AHNAK2: variants seen among roughly 807,000 people sequenced by gnomAD.
AHNAK2 encodes the protein AHNAK nucleoprotein 2, also known as protein AHNAK2.
Under a neutral mutation model 30.7 loss-of-function variants are expected in AHNAK2, and 18 were observed. The ratio of observed to expected loss-of-function variants is 0.59; its 90% CI spans 0.41 to 0.87. The LOEUF (loss-of-function observed/expected upper bound fraction) is 0.87. Among genes scored for constraint, AHNAK2 ranks in the 40% least tolerant of loss-of-function variants. The pLI, the probability that AHNAK2 is intolerant of heterozygous loss-of-function variation, is 0.00. For missense variants in AHNAK2, 8,604 were observed against 7,373.0 expected, an observed-to-expected ratio of 1.17 and a Z score of -6.11; for synonymous variants, 3,590 against 3,073.8, an observed-to-expected ratio of 1.17 and a Z score of -5.56.
rs778443688 is a variant in AHNAK2 at position 104,947,939 on chromosome 14, G to C, written c.7512C>G (p.Ala2504=). The C allele has an allele frequency of 1.5e-5, 24 of 1,611,888 alleles. No homozygotes were observed. The highest frequency in any genetic ancestry group is 2.2e-5 in the East Asian group (1 of 44,626). The part of the protein sequence containing the change: ...GVSAPGKSIE[A]SVDVSAPKVE... ...CCTTCGGCGCAGACACATCCACCGA[G>C]GCCTCGATGGACTTGCCTGGGGCAG... The change falls in exon 7 of 7, where the codon GCC becomes GCG. Residue 2504 remains alanine (A), a synonymous_variant. Coordinates refer to ENST00000333244, the MANE Select transcript of AHNAK2 (RefSeq NM_138420.4).
Position 104,944,409 on chromosome 14 carries a change from A to G in AHNAK2, c.11042T>C (p.Leu3681Pro), listed in dbSNP as rs1898148653. Residue 3681 changes from leucine to proline, a missense_variant, in exon 7 of 7, where the codon CTG becomes CCG. Transcript: ENST00000333244. ...DVSLPSMQGD[L>P]KTTDLSIQPP... ...CTGAATGCTGAGGTCAGTGGTCTTC[A>G]GGTCCCCCTGCATGGAGGGGAGACT... 6.2e-7 allele frequency: 1 copy of G among 1,612,260 alleles called. No individual in the cohort carries two copies. The highest frequency in any genetic ancestry group is 8.5e-7 in the Non-Finnish European group (1 of 1,179,370).
rs187143499 is a variant in AHNAK2, at chr14:104,955,153, A to C, written c.467-12T>G. 6.3e-7 allele frequency: 1 copy of C among 1,596,416 alleles called. No individual in the cohort carries two copies. The highest frequency in any genetic ancestry group is 2.2e-5 in the East Asian group (1 of 44,668). On this transcript the variant is annotated splice_polypyrimidine_tract_variant and intron_variant, in intron 5 of 6. Coordinates refer to ENST00000333244, the MANE Select transcript of AHNAK2 (RefSeq NM_138420.4). ...GAGCAGCTGATCCCCTAGACCAAGA[A>C]AGAGCAGCCCCAGGGCCGGGTGTGT... is the stretch of plus-strand genomic sequence containing the variant.
In AHNAK2 at chr14:104,961,330, C is replaced by A. The variant is rs181573982; in HGVS notation, c.56-3658G>T. ...GAGATCAAAACCATCCTGGCTAACA[C>A]AGTGAAACCCCGTCTCTACTAAAAA... is the stretch of plus-strand genomic sequence containing the variant. On this transcript the variant is annotated intron_variant, in intron 1 of 6. Transcript: ENST00000333244. 1.4e-3 allele frequency among the ~76,000 whole-genome samples: 214 copies of A among 151,864 alleles called. 4 individuals carry two copies. In the East Asian group the frequency reaches 0.034, roughly 24 times the overall value.
chr14:104,960,977 A>C (rs1032992929), intron 1 of AHNAK2, among the ~76,000 whole-genome samples: 1 of 151,888 alleles, frequency 6.6e-6, no homozygotes, highest in African/African-American at 2.4e-5. Flanking sequence ...CTAAAAATAC[A>C]AACATTAGCT....
At position 104,946,327 on chromosome 14, in the gene AHNAK2, C is replaced by G; in HGVS notation, c.9124G>C (p.Val3042Leu). The change falls in exon 7 of 7, where the codon GTG (valine) becomes CTG (leucine). Residue 3042 changes from valine (V) to leucine (L), a missense_variant. Physicochemically the swap from Val to Leu is conservative, Grantham distance 32. Transcript: ENST00000333244. The part of the protein sequence containing the change: ...SAQLEVQAGQ[V>L]DLKLPEGHVP... ...TGGCCCTCTGGGAGCTTCAGGTCCACCTGGCCAGCCTGGACCTCCAGTTGG... is the reference window on the plus strand; with the variant it reads ...TGGCCCTCTGGGAGCTTCAGGTCCAGCTGGCCAGCCTGGACCTCCAGTTGG... 6.2e-7 allele frequency: 1 copy of G among 1,612,160 alleles called. No individual in the cohort carries two copies. Among genetic ancestry groups the G allele is most frequent in the African/African-American group, 1.3e-5 (1 of 74,466 alleles).
In AHNAK2 at chr14:104,953,983, T is replaced by C. The variant is rs760330885; in HGVS notation, c.1468A>G (p.Lys490Glu). ...GTGGAAAATGCAAATTTTGGTGTCT[T>C]TAAATCGTGTACTCGCACCCTAATT... ...PEIRVRVHDL[K>E]TPKFAFSTEK... Residue 490 changes from lysine (K) to glutamate (E), a missense_variant, in exon 7 of 7, where the codon AAG becomes GAG. Transcript: ENST00000333244. 4 of 1,613,916 alleles carry C rather than the reference T, an allele frequency of 2.5e-6. No individual in the cohort carries two copies. The South Asian group carries it at 4.4e-5, about 18-fold the overall frequency.
chr14:104,946,600 G>T lies in AHNAK2; in HGVS notation c.8851C>A (p.Pro2951Thr). 1 of 1,612,806 alleles carries T rather than the reference G, an allele frequency of 6.2e-7. No individual in the cohort carries two copies. Among genetic ancestry groups the T allele is most frequent in the Non-Finnish European group, 8.5e-7 (1 of 1,179,694 alleles). The stretch of plus-strand genomic sequence containing the variant: ...CGTGCACCATCCAGCTTTGCTCTCG[G>T]GGCCTCGACGTCCACCTCCACGCTG... ...LPSVEVDVEAPRAKLDGARLE... is the reference protein window; with the variant it reads ...LPSVEVDVEATRAKLDGARLE... The change falls in exon 7 of 7, where the codon CCG becomes ACG. Residue 2951 changes from proline (P) to threonine (T), a missense_variant. Pro to Thr is a conservative substitution (Grantham distance 38). Coordinates refer to ENST00000333244, the MANE Select transcript of AHNAK2 (RefSeq NM_138420.4).
rs1462711018 is a variant in AHNAK2 at position 104,940,898 on chromosome 14, G to A, written c.14553C>T (p.Ser4851=). 1 of 1,612,650 alleles carries A rather than the reference G, an allele frequency of 6.2e-7. No homozygotes were observed. The highest frequency in any genetic ancestry group is 8.5e-7 in the Non-Finnish European group (1 of 1,179,588). The change falls in exon 7 of 7, where the codon TCC becomes TCT. Residue 4851 remains serine, a synonymous_variant. Transcript: ENST00000333244. This position sits in a 1 kb window ranked among gnomAD's most constrained non-coding sequence, Gnocchi z 4.4. ...CCTGACCAAGAGAAACAGGAATCAT[G>A]GAATTCAGTGGGCCAGAGTGACTCT... ...QAESHSGPLN[S]MIPVSLGQVS... is the part of the protein sequence containing the mutation.
Position 104,943,532 on chromosome 14 carries a change from G to C in AHNAK2, c.11919C>G (p.Phe3973Leu), listed in dbSNP as rs377633909. The change falls in exon 7 of 7, where the codon TTC becomes TTG. Residue 3973 changes from phenylalanine (F) to leucine (L), a missense_variant. Transcript: ENST00000333244. Reference sequence around the variant, plus strand: ...CAGACACCCCGAACGACGGCATCTTGAACTTGGGCATTTTGAACTTGCTGT... The same window carrying C: ...CAGACACCCCGAACGACGGCATCTTCAACTTGGGCATTTTGAACTTGCTGT... ...AKDSKFKMPK[F>L]KMPSFGVSAP... The C allele has an allele frequency of 1.1e-5, 18 of 1,613,018 alleles. No individual in the cohort carries two copies. Among genetic ancestry groups the C allele is most frequent in the Non-Finnish European group, 1.5e-5 (18 of 1,179,530 alleles).
intron 1 of AHNAK2, among the ~76,000 whole-genome samples, chr14:104,963,553 A>G (rs908521550): frequency 1.3e-5 from 2 of 152,216 alleles, no homozygotes; most frequent in Admixed American, 6.5e-5. Flanking sequence ...GCTTCTGGCC[A>G]GGCGCGGTGG....
chr14:104,949,069 C>A lies in AHNAK2; in HGVS notation c.6382G>T (p.Ala2128Ser), dbSNP rs1566910969. The change falls in exon 7 of 7, where the codon GCC becomes TCC. Residue 2128 changes from alanine to serine, a missense_variant. Coordinates refer to ENST00000333244, the MANE Select transcript of AHNAK2 (RefSeq NM_138420.4). ...TGCAGATGCGCACTATCCAGCTTGG[C>A]TCTTGGGGCCTGGACGTCCACCTCC... ...SMEVDVQAPRAKLDSAHLQGD... is the reference protein window; with the variant it reads ...SMEVDVQAPRSKLDSAHLQGD... 1 of 1,069,598 alleles carries A rather than the reference C, an allele frequency of 9.3e-7. No individual in the cohort carries two copies. Among genetic ancestry groups the A allele is most frequent in the Non-Finnish European group, 1.4e-6 (1 of 734,524 alleles). The allele number at this position is 1,069,598 out of a possible 1,614,324, so 66.3% of individuals were successfully genotyped here.
At position 104,953,664 on chromosome 14, in the gene AHNAK2, T is replaced by C; in HGVS notation, c.1787A>G (p.Lys596Arg). 1 of 1,613,920 alleles carries C rather than the reference T, an allele frequency of 6.2e-7. No homozygotes were observed. ...TTTTTCTCTGCCTGTCTTTGTGTGC[T>C]TGCTTGGCGACCATCCTAAGGAGGG... ...KIPSLGWSPS[K>R]HTKTGREKAT... Residue 596 changes from lysine to arginine, a missense_variant, in exon 7 of 7, where the codon AAG (lysine) becomes AGG (arginine). Coordinates refer to ENST00000333244, the MANE Select transcript of AHNAK2 (RefSeq NM_138420.4).
chr14:104,943,760 G>T lies in AHNAK2; in HGVS notation c.11691C>A (p.Pro3897=), dbSNP rs1446520658. Residue 3897 remains proline (P), a synonymous_variant, in exon 7 of 7, where the codon CCC becomes CCA. Coordinates refer to ENST00000333244, the MANE Select transcript of AHNAK2 (RefSeq NM_138420.4). ...PKVQMPSFKM[P]KVDLKGPEID... ...TTTCAGGGCCCTTGAGGTCGACTTT[G>T]GGCATCTTGAAACTGGGCATCTGCA... The T allele has an allele frequency of 6.2e-7, 1 of 1,612,618 alleles. No individual in the cohort carries two copies. Among genetic ancestry groups the T allele is most frequent in the African/African-American group, 1.3e-5 (1 of 74,578 alleles).
chr14:104,942,292 G>A lies in AHNAK2; in HGVS notation c.13159C>T (p.Pro4387Ser), dbSNP rs2140823181. 6.2e-7 allele frequency: 1 copy of A among 1,613,280 alleles called. No homozygotes were observed. The highest frequency in any genetic ancestry group is 8.5e-7 in the Non-Finnish European group (1 of 1,179,812). ...LKGHLPKLQM[P>S]SFKVPKVDLK... ...TCCACTTTGGGTACCTTGAAACTGG[G>A]CATCTGCAGCTTCGGCAGGTGCCCT... Residue 4387 changes from proline (P) to serine (S), a missense_variant, in exon 7 of 7, where the codon CCC becomes TCC. Coordinates refer to ENST00000333244, the MANE Select transcript of AHNAK2 (RefSeq NM_138420.4).
chr14:104,945,090 C>T lies in AHNAK2; in HGVS notation c.10361G>A (p.Arg3454Gln), dbSNP rs768235458. 1.2e-5 allele frequency: 19 copies of T among 1,612,878 alleles called. No homozygotes were observed. Among genetic ancestry groups the T allele is most frequent in the East Asian group, 8.9e-5 (4 of 44,742 alleles). The stretch of plus-strand genomic sequence containing the variant: ...AGCCAGGGACAGGTCCCCCTCCAGC[C>T]GCGCACCATCCAGCTTGGCTCTCGG... ...QAPRAKLDGARLEGDLSLAEK... is the reference protein window; with the variant it reads ...QAPRAKLDGAQLEGDLSLAEK... Residue 3454 changes from arginine to glutamine, a missense_variant, in exon 7 of 7, where the codon CGG becomes CAG. Arg to Gln is a conservative substitution (Grantham distance 43). Coordinates refer to ENST00000333244, the MANE Select transcript of AHNAK2 (RefSeq NM_138420.4).
At position 104,951,274 on chromosome 14, in the gene AHNAK2, C is replaced by T. The variant is rs765205238; in HGVS notation, c.4177G>A (p.Asp1393Asn). ...ACGGGGCCCTCTGGGAGTTTCACGT[C>T]CAATTGGCCAGCCTGGAGCTCCAGG... ...TDLELQAGQLDVKLPEGPVPE... is the reference protein window; with the variant it reads ...TDLELQAGQLNVKLPEGPVPE... The change falls in exon 7 of 7, where the codon GAC becomes AAC. Residue 1393 changes from aspartate to asparagine, a missense_variant. Asp to Asn is a conservative substitution (Grantham distance 23). Transcript: ENST00000333244. 5.7e-6 allele frequency: 6 copies of T among 1,059,178 alleles called. 3 individuals carry two copies. Among genetic ancestry groups the T allele is most frequent in the South Asian group, 3.2e-5 (2 of 62,134 alleles). The allele number at this position is 1,059,178 out of a possible 1,614,324, so 65.6% of individuals were successfully genotyped here. A position where few individuals can be genotyped will look rare whatever the true frequency, so the allele number is the denominator to read the frequency against.
In AHNAK2 at chr14:104,939,050, A is replaced by T. The variant is rs752829585; in HGVS notation, c.16401T>A (p.Ile5467=). ...APPISKVRVH[I]QGAQVESQEV... ...CTTGACTTTCAACCTGAGCACCCTG[A>T]ATATGCACTCTGACCTTTGAAATTG... The change falls in exon 7 of 7, where the codon ATT becomes ATA. Residue 5467 remains isoleucine (I), a synonymous_variant. Coordinates refer to ENST00000333244, the MANE Select transcript of AHNAK2 (RefSeq NM_138420.4). The T allele has an allele frequency of 6.2e-7, 1 of 1,607,042 alleles. No homozygotes were observed. The highest frequency in any genetic ancestry group is 8.5e-7 in the Non-Finnish European group (1 of 1,176,696).
At position 104,944,091 on chromosome 14, in the gene AHNAK2, C is replaced by T; in HGVS notation, c.11360G>A (p.Gly3787Glu). ...ATCCTTGTCGGCCAGGGACAGGTCC[C>T]CCTCCAGCTGTGCACTATCCAGTTT... Reference protein sequence around the residue: ...RAKLDSAQLEGDLSLADKDVT... With the variant: ...RAKLDSAQLEEDLSLADKDVT... The change falls in exon 7 of 7, where the codon GGG becomes GAG. Residue 3787 changes from glycine (G) to glutamate (E), a missense_variant. Transcript: ENST00000333244. 6.2e-7 allele frequency: 1 copy of T among 1,613,428 alleles called. No individual in the cohort carries two copies. The highest frequency in any genetic ancestry group is 8.5e-7 in the Non-Finnish European group (1 of 1,179,702).
chr14:104,943,445 C>T lies in AHNAK2; in HGVS notation c.12006G>A (p.Val4002=), dbSNP rs376174525. The change falls in exon 7 of 7, where the codon GTG becomes GTA. Residue 4002 remains valine (V), a synonymous_variant. Coordinates refer to ENST00000333244, the MANE Select transcript of AHNAK2 (RefSeq NM_138420.4). ...DVTAPKVEAD[V]SLPSMQGDLK... ...GGTCCCCCTGCATGGAAGGGAGGCT[C>T]ACGTCGGCCTCCACCTTTGGCGCGG... is the stretch of plus-strand genomic sequence containing the variant. The T allele has an allele frequency of 7.4e-6, 12 of 1,613,312 alleles. No homozygotes were observed. The highest frequency in any genetic ancestry group is 1.7e-4 in the Middle Eastern group (1 of 6,056).
Sources: allele counts gnomAD v4.1 joint callset (sites outside exome capture counted in the v4.1 genomes callset), GRCh38; gene constraint gnomAD v4.1.1; non-coding constraint Gnocchi (gnomAD v3.1); transcripts MANE v1.5; gene names NCBI Gene and HGNC (gene_info 2026-07-23, HGNC 2026-07-21).